The following PI4KB variants were observed in gnomAD, a reference collection of about 807,000 sequenced individuals.
The protein encoded by PI4KB is PtdIns 4-kinase beta.
In PI4KB, 23 loss-of-function variants were observed where a neutral mutation model predicts 81.4. The ratio of observed to expected loss-of-function variants is 0.28; its 90% CI spans 0.20 to 0.40. The LOEUF (loss-of-function observed/expected upper bound fraction) is 0.40, where lower values mean the gene tolerates loss of function less well. PI4KB is among the 10% of genes least tolerant of loss of function. PI4KB has a pLI of 1.00. For synonymous variants in PI4KB, 381 were observed against 406.8 expected (o/e 0.94, Z 0.76); for missense variants, 651 against 1,036.6 (o/e 0.63, Z 5.11).
intron 7 of PI4KB, 112 bp downstream of exon 7, chr1:151,302,082 T>A (rs945224602): frequency 1.1e-5 from 17 of 1,578,326 alleles, no homozygotes; most frequent in Admixed American, 3.5e-5. Context: ...CCAGACAGCC[T>A]GGAAGCCTGA....
chr1:151,294,065 C>G lies in PI4KB; in HGVS notation c.2222G>C (p.Arg741Pro). Reference protein sequence around the residue: ...MLMLQGLIAARKHMDKVVQIV... With the variant: ...MLMLQGLIAAPKHMDKVVQIV... ...CTGCACCACCTTGTCCATGTGTTTCCGAGCGGCAATCAGCCCTTGCAGCAT... is the reference window on the plus strand; with the variant it reads ...CTGCACCACCTTGTCCATGTGTTTCGGAGCGGCAATCAGCCCTTGCAGCAT... Residue 741 changes from arginine (R) to proline (P), a missense_variant, in exon 11 of 12, where the codon CGG (arginine) becomes CCG (proline). Physicochemically the swap from Arg to Pro is moderately radical, Grantham distance 103. This residue lies in a region of PI4KB where 70 missense variants were observed against 108.1 expected (regional missense o/e 0.65). Coordinates refer to ENST00000368873, the MANE Select transcript of PI4KB (RefSeq NM_001369623.2). 6.2e-7 allele frequency: 1 copy of G among 1,614,094 alleles called. No homozygotes were observed. The highest frequency in any genetic ancestry group is 8.5e-7 in the Non-Finnish European group (1 of 1,179,986).
chr1:151,324,187 T>C (rs1013963237), intron 1 of PI4KB, among the ~76,000 whole-genome samples: 1 of 152,034 alleles, frequency 6.6e-6, no homozygotes, highest in African/African-American at 2.4e-5. Context: ...TTTCCAACTC[T>C]TGACCTCAAG....
intron 1 of PI4KB, among the ~76,000 whole-genome samples, chr1:151,318,373 C>T (rs1264338304): frequency 3.4e-5 from 5 of 146,828 alleles, no homozygotes; most frequent in African/African-American, 7.6e-5. Context: ...GCCGAGATTA[C>T]GCCATTGCAC....
At chr1:151,325,283 G>A (rs1008480507) in intron 1 of PI4KB, among the ~76,000 whole-genome samples, 1 of 152,008 alleles carries the variant, frequency 6.6e-6, no homozygotes, top group Non-Finnish European at 1.5e-5. Context: ...GTGAGCCACC[G>A]CGCCTGGCAG....
chr1:151,325,458 T>C (rs1207733845), intron 1 of PI4KB, among the ~76,000 whole-genome samples: 3 of 152,152 alleles, frequency 2.0e-5, no homozygotes, highest in African/African-American at 7.2e-5. Flanking sequence ...GAGAGAGACA[T>C]GGCAGCAACT....
chr1:151,313,319 G>A (rs763432462), intron 2 of PI4KB, among the ~76,000 whole-genome samples: 3 of 152,092 alleles, frequency 2.0e-5, no homozygotes, highest in South Asian at 2.1e-4. Flanking sequence ...TTGGAAGAAC[G>A]GCAGCTACAG....
intron 2 of PI4KB, among the ~76,000 whole-genome samples, chr1:151,315,121 C>A (rs12086389): frequency 6.6e-6 from 1 of 152,020 alleles, no homozygotes; most frequent in East Asian, 1.9e-4. Flanking sequence ...TGGGATTACA[C>A]GCGCCCACCA....
rs115327647 is a variant in PI4KB at position 151,295,967 on chromosome 1, C to T, written c.2016-1426G>A. Among the ~76,000 whole-genome samples the T allele has an allele frequency of 8.6e-3, 1,312 of 152,264 alleles. 5 individuals carry two copies. Among genetic ancestry groups the T allele is most frequent in the Middle Eastern group, 0.02 (6 of 294 alleles). On this transcript the variant is annotated intron_variant, in intron 9 of 11. Coordinates refer to ENST00000368873, the MANE Select transcript of PI4KB (RefSeq NM_001369623.2). ...CCTTATAAATAATTGCATTCTCGGC[C>T]GGATGCAGTGGCTCACGCCTGTAAT...
At position 151,294,363 on chromosome 1, in the gene PI4KB, A is replaced by G. The variant is rs587683105; in HGVS notation, c.2148+46T>C. On this transcript the variant is annotated intron_variant, in intron 10 of 11. Transcript: ENST00000368873. The stretch of plus-strand genomic sequence containing the variant: ...ATCAGCTCCCTCTCCCATGACAGAG[A>G]AAGAATACAATGACCCCCGAGAGGC... 4.4e-6 allele frequency: 7 copies of G among 1,602,188 alleles called. No individual in the cohort carries two copies. The East Asian group carries it at 1.6e-4, about 36-fold the overall frequency.
chr1:151,296,156 G>C (rs1485526667), intron 9 of PI4KB, among the ~76,000 whole-genome samples: 3 of 152,136 alleles, frequency 2.0e-5, no homozygotes, highest in African/African-American at 7.2e-5. Context: ...TGAGGTGGGA[G>C]AATCACTTGA....
intron 2 of PI4KB, among the ~76,000 whole-genome samples, chr1:151,312,012 T>C (rs1696265234): frequency 6.6e-6 from 1 of 152,246 alleles, no homozygotes; most frequent in African/African-American, 2.4e-5. Context: ...TGGTTACAAA[T>C]GGGAGGACAA....
At chr1:151,324,707 C>T in intron 1 of PI4KB, 1 of 974,328 alleles carries the variant, frequency 1.0e-6, no homozygotes, top group Non-Finnish European at 1.2e-6. Flanking sequence ...GGAGCCGCTA[C>T]TGAAACAGAT....
intron 1 of PI4KB, 110 bp from the exon 2 acceptor site, chr1:151,316,619 CCT>C (rs1259535236): frequency 1.5e-6 from 1 of 685,326 alleles, no homozygotes; most frequent in African/African-American, 1.9e-5. Context: ...CCAGGCACCT[CCT>C]CTTTTTGTCT....
At position 151,321,445 on chromosome 1, in the gene PI4KB, C is replaced by T. The variant is rs544605036; in HGVS notation, c.-28-4936G>A. ...CCCTGGCTGGAGTGGAGTGCAGTGGCGCAATGTTGGCTCACCGCAACCTCC... is the reference window on the plus strand; with the variant it reads ...CCCTGGCTGGAGTGGAGTGCAGTGGTGCAATGTTGGCTCACCGCAACCTCC... On this transcript the variant is annotated intron_variant, in intron 1 of 11. Coordinates refer to ENST00000368873, the MANE Select transcript of PI4KB (RefSeq NM_001369623.2). Among the ~76,000 whole-genome samples, 15 of 151,918 alleles carry T rather than the reference C, an allele frequency of 9.9e-5. No homozygotes were observed. The East Asian group carries it at 2.4e-3, about 24-fold the overall frequency.
chr1:151,293,363 G>C (rs1318077940), intron 11 of PI4KB: 6 of 1,336,340 alleles, frequency 4.5e-6, no homozygotes, highest in Non-Finnish European at 5.9e-6. Context: ...CACTTATCTG[G>C]TTGCAGACCT....
chr1:151,322,999 G>A (rs1752382), intron 1 of PI4KB, among the ~76,000 whole-genome samples: 19,509 of 151,992 alleles, frequency 0.13, 1,314 homozygotes, highest in Admixed American at 0.16. Context: ...TGGAAAAACG[G>A]GTAAGGAAAC....
intron 1 of PI4KB, among the ~76,000 whole-genome samples, chr1:151,316,940 A>C (rs932562987): frequency 1.3e-5 from 2 of 152,016 alleles, no homozygotes; most frequent in African/African-American, 4.8e-5. Context: ...CTCCTGCCTC[A>C]GCCTCCCAAG....
chr1:151,297,165 C>A (rs184949218), intron 9 of PI4KB, among the ~76,000 whole-genome samples: 6 of 152,060 alleles, frequency 3.9e-5, no homozygotes, highest in African/African-American at 1.4e-4. Flanking sequence ...ACTCTGTTGC[C>A]CTTAACCTCC....
Position 151,316,363 on chromosome 1 carries a change from A to C in PI4KB, c.119T>G (p.Leu40Arg). The C allele has an allele frequency of 6.2e-7, 1 of 1,611,110 alleles. No homozygotes were observed. Among genetic ancestry groups the C allele is most frequent in the Non-Finnish European group, 8.5e-7 (1 of 1,178,492 alleles). ...LSVITEGVGE[L>R]SVIDPEVAQK... is the part of the protein sequence containing the mutation. ...GGCCACCTCAGGGTCAATCACTGAT[A>C]GTTCCCCGACCCCCTCCGTGATGAC... The change falls in exon 2 of 12, where the codon CTA becomes CGA. Residue 40 changes from leucine (L) to arginine (R), a missense_variant. Physicochemically the swap from Leu to Arg is moderately radical, Grantham distance 102. Coordinates refer to ENST00000368873, the MANE Select transcript of PI4KB (RefSeq NM_001369623.2).
Sources: allele counts gnomAD v4.1 joint callset (sites outside exome capture counted in the v4.1 genomes callset), GRCh38; gene constraint gnomAD v4.1.1; regional missense constraint gnomAD v4.1.1; transcripts MANE v1.5; gene names NCBI Gene and HGNC (gene_info 2026-07-23, HGNC 2026-07-21).